Variants in COG6 observed in about 807,000 individuals in gnomAD.
The protein encoded by COG6 is component of oligomeric golgi complex 6.
A neutral mutation model predicts 88.8 loss-of-function variants in COG6; 74 were observed. That is an observed-to-expected ratio of 0.83 (90% CI 0.69 to 1.01). COG6 has a LOEUF of 1.01. Among genes scored for constraint, COG6 ranks in the 50% least tolerant of loss-of-function variants. COG6 has a pLI of 0.00. For missense variants in COG6, 800 were observed against 797.9 expected (o/e 1.00, Z -0.03); for synonymous variants, 286 against 278.7 (o/e 1.03, Z -0.26).
In COG6 at chr13:39,751,227, ATT is replaced by A. The variant is rs554269460; in HGVS notation, c.*146_*147del. ...TATCATAAGATTGTAAGTCCCGATA[ATT>A]TTTTTTTTTTTGGTCTCAGTAACAG... On this transcript the variant is annotated 3_prime_UTR_variant, in exon 19 of 19. Transcript: ENST00000455146. 1.3e-3 allele frequency: 1,523 copies of A among 1,206,832 alleles called. No homozygotes were observed. Among genetic ancestry groups the A allele is most frequent in the East Asian group, 7.0e-3 (233 of 33,400 alleles). The allele number at this position is 1,206,832 out of a possible 1,614,324, so 74.8% of individuals were successfully genotyped here.
Position 39,727,526 on chromosome 13 carries a change from T to C in COG6, c.1804T>C (p.Phe602Leu), listed in dbSNP as rs1230442438. Residue 602 changes from phenylalanine to leucine, a missense_variant, in exon 18 of 19, where the codon TTT (phenylalanine) becomes CTT (leucine). Phe to Leu is a conservative substitution (Grantham distance 22, BLOSUM62 0). Coordinates refer to ENST00000455146, the MANE Select transcript of COG6 (RefSeq NM_020751.3). Reference protein sequence around the residue: ...PDNLLIPQLNFLLSATVKEQI... With the variant: ...PDNLLIPQLNLLLSATVKEQI... ...CAACCTATTGATACCACAGCTGAACTTTCTTCTAAGTGCCACAGTGAAGTA... is the reference window on the plus strand; with the variant it reads ...CAACCTATTGATACCACAGCTGAACCTTCTTCTAAGTGCCACAGTGAAGTA... 1.2e-6 allele frequency: 2 copies of C among 1,613,232 alleles called. No homozygotes were observed. Among genetic ancestry groups the C allele is most frequent in the Admixed American group, 3.3e-5 (2 of 60,022 alleles).
downstream of COG6, among the ~76,000 whole-genome samples, chr13:39,757,522 A>T (rs1443001159): frequency 6.6e-6 from 1 of 152,114 alleles, no homozygotes; most frequent in Non-Finnish European, 1.5e-5. Context: ...CCAAAAGTTA[A>T]TTCTCTGAAA....
intron 18 of COG6, among the ~76,000 whole-genome samples, chr13:39,784,116 G>A (rs1294108324): frequency 6.6e-6 from 1 of 152,146 alleles, no homozygotes; most frequent in Non-Finnish European, 1.5e-5. Flanking sequence ...ACATTAAGAA[G>A]GGATAAGGAG....
intron 18 of COG6, among the ~76,000 whole-genome samples, chr13:39,778,952 A>G (rs1474295150): frequency 6.6e-6 from 1 of 152,230 alleles, no homozygotes; most frequent in Non-Finnish European, 1.5e-5. Context: ...TAAGAAGCAT[A>G]TGCCCTCACT....
chr13:39,790,848 C>T (rs73463971), exon 19 of COG6: 1 of 152,008 alleles, frequency 6.6e-6, no homozygotes, highest in Admixed American at 6.6e-5. Flanking sequence ...GGTTGTTCTT[C>T]ATATATATAA....
downstream of COG6, among the ~76,000 whole-genome samples, chr13:39,756,777 G>A (rs370545142): frequency 3.3e-5 from 5 of 152,182 alleles, no homozygotes; most frequent in East Asian, 9.6e-4. Flanking sequence ...GAACATATCT[G>A]TATCTGGCAA....
intron 8 of COG6, among the ~76,000 whole-genome samples, chr13:39,685,499 T>C (rs1876584332): frequency 6.6e-6 from 1 of 152,306 alleles, no homozygotes; most frequent in South Asian, 2.1e-4. Flanking sequence ...CTATTTAAAA[T>C]ACACTGGATT....
intron 13 of COG6, among the ~76,000 whole-genome samples, chr13:39,702,093 A>C (rs1018765120): frequency 1.3e-5 from 2 of 152,058 alleles, no homozygotes; most frequent in African/African-American, 4.8e-5. Flanking sequence ...TCTGAAAATC[A>C]GAATAAGATG....
rs145427916 is a variant in COG6 at position 39,687,584 on chromosome 13, C to T, written c.870C>T (p.Pro290=). The T allele has an allele frequency of 1.9e-5, 30 of 1,613,520 alleles. No individual in the cohort carries two copies. The highest frequency in any genetic ancestry group is 1.6e-4 in the Middle Eastern group (1 of 6,084). ...TTGATGCGCTCACAAGAGGGGGCCCCGGAGGTACACCTAGACCAATTGAAA... is the reference window on the plus strand; with the variant it reads ...TTGATGCGCTCACAAGAGGGGGCCCTGGAGGTACACCTAGACCAATTGAAA... ...GFIDALTRGG[P]GGTPRPIEMH... is the part of the protein sequence containing the mutation. Residue 290 remains proline, a synonymous_variant, in exon 9 of 19, where the codon CCC becomes CCT. Transcript: ENST00000455146.
intron 18 of COG6, among the ~76,000 whole-genome samples, chr13:39,768,413 C>G (rs771432628): frequency 1.3e-5 from 2 of 152,216 alleles, no homozygotes; most frequent in Non-Finnish European, 2.9e-5. Flanking sequence ...CAGTGGAGCT[C>G]TTGATTGCTG....
Position 39,727,618 on chromosome 13 carries a change from GA to G in COG6, c.1826+77del, listed in dbSNP as rs1192342974. The G allele has an allele frequency of 3.2e-5, 36 of 1,123,864 alleles. 1 individual carries two copies. The East Asian group carries it at 8.2e-4, about 26-fold the overall frequency. 69.6% of individuals were successfully genotyped at this position (1,123,864 alleles called of 1,614,324 possible). A position where few individuals can be genotyped will look rare whatever the true frequency, so the allele number is the denominator to read the frequency against. Reference sequence around the variant, plus strand: ...TTTAAATATCAAGTACATTTTTTTGGAAAAAAATTTATTTTCAAGAATAAAT... The same window carrying G: ...TTTAAATATCAAGTACATTTTTTTGGAAAAAATTTATTTTCAAGAATAAAT... On this transcript the variant is annotated intron_variant, in intron 18 of 18. Coordinates refer to ENST00000455146, the MANE Select transcript of COG6 (RefSeq NM_020751.3).
chr13:39,740,436 G>A (rs773046076), intron 18 of COG6, among the ~76,000 whole-genome samples: 10 of 152,032 alleles, frequency 6.6e-5, no homozygotes, highest in African/African-American at 1.9e-4. Flanking sequence ...CAATTCTTTC[G>A]ATGAATTTAA....
chr13:39,703,671 T>G (rs916512887), intron 13 of COG6, among the ~76,000 whole-genome samples: 1 of 152,238 alleles, frequency 6.6e-6, no homozygotes, highest in Non-Finnish European at 1.5e-5. Context: ...ATAATAAAGA[T>G]AGCATCTATT....
intron 8 of COG6, chr13:39,682,527 C>A: frequency 2.7e-6 from 1 of 365,190 alleles, no homozygotes; most frequent in Non-Finnish European, 5.0e-6. Context: ...GGTTCAGTGA[C>A]TTTTCCCCTG....
chr13:39,699,736 TC>T, intron 13 of COG6, 118 bp downstream of exon 13: 2 of 654,964 alleles, frequency 3.1e-6, no homozygotes, highest in Non-Finnish European at 5.6e-6. Context: ...TTTGAGTTCT[TC>T]CTGTCACCAA....
chr13:39,741,772 C>T (rs559094693), intron 18 of COG6, among the ~76,000 whole-genome samples: 23 of 151,988 alleles, frequency 1.5e-4, no homozygotes, highest in African/African-American at 3.4e-4. Flanking sequence ...AGATACTCCT[C>T]GAGAAAAGCA....
intron 2 of COG6, among the ~76,000 whole-genome samples, chr13:39,660,573 C>G (rs971571391): frequency 6.6e-6 from 1 of 152,134 alleles, no homozygotes; most frequent in Admixed American, 6.5e-5. Context: ...TTTTATAAAG[C>G]ATTTGCTGTT....
chr13:39,742,830 C>G (rs1270505500), intron 18 of COG6, among the ~76,000 whole-genome samples: 8 of 152,146 alleles, frequency 5.3e-5, no homozygotes, highest in Admixed American at 2.6e-4. Flanking sequence ...CGCACTTATT[C>G]CAAAATTGAC....
chr13:39,678,273 T>C lies in COG6; in HGVS notation c.540+694T>C. The C allele has an allele frequency of 1.3e-5, 4 of 314,476 alleles. 1 individual carries two copies. The highest frequency in any genetic ancestry group is 1.0e-4 in the South Asian group (4 of 39,376). The allele number at this position is 314,476 out of a possible 1,614,324, so 19.5% of individuals were successfully genotyped here. On this transcript the variant is annotated intron_variant, in intron 5 of 18. Transcript: ENST00000455146. Reference sequence around the variant, plus strand: ...ATTTTTAGTAGAGATAGGATCTCACTGTGTTGCCCAGGCTGGTCTTAAACT... The same window carrying C: ...ATTTTTAGTAGAGATAGGATCTCACCGTGTTGCCCAGGCTGGTCTTAAACT...
Sources: gnomAD v4.1 joint callset for allele counts (sites outside exome capture counted in the v4.1 genomes callset) on GRCh38, gnomAD v4.1.1 for gene constraint, MANE v1.5 for transcripts, NCBI Gene and HGNC (gene_info 2026-07-23, HGNC 2026-07-21) for gene names.